The following PUM2 variants were observed in gnomAD, a reference collection of about 807,000 sequenced individuals.
The protein encoded by PUM2 is pumilio RNA binding family member 2.
PUM2 carries 57 observed loss-of-function variants against 124.5 expected under a neutral mutation model. The observed-to-expected ratio is 0.46, with a 90% CI of 0.37 to 0.57. The LOEUF is 0.57. Ranked by LOEUF, PUM2 falls within the 20% of genes least tolerant of loss-of-function variation. PUM2 has a pLI of 0.00. For synonymous variants in PUM2, 460 were observed against 446.1 expected, an observed-to-expected ratio of 1.03 and a Z score of -0.39; for missense variants, 1,065 against 1,290.6, an observed-to-expected ratio of 0.83 and a Z score of 2.68.
At chr2:20,292,844 T>C (rs1245579045) in intron 9 of PUM2, among the ~76,000 whole-genome samples, 2 of 152,056 alleles carry the variant, frequency 1.3e-5, no homozygotes, top group African/African-American at 2.4e-5. Flanking sequence ...GGCAAGAGAA[T>C]TGCTGCCGGG....
intron 10 of PUM2, among the ~76,000 whole-genome samples, chr2:20,289,692 A>G (rs571828887): frequency 6.6e-6 from 1 of 152,386 alleles, no homozygotes; most frequent in Non-Finnish European, 1.5e-5. Context: ...ATGTAATTGA[A>G]ATAGAAATCC....
At chr2:20,257,835 T>A (rs530459136) in intron 16 of PUM2, among the ~76,000 whole-genome samples, 114 of 152,098 alleles carry the variant, frequency 7.5e-4, no homozygotes, top group East Asian at 4.4e-3. Context: ...GCTATATTTT[T>A]AAAAAAAACA....
chr2:20,308,054 A>G lies in PUM2; in HGVS notation c.807T>C (p.Asn269=). The change falls in exon 7 of 21, where the codon AAT becomes AAC. Residue 269 remains asparagine, a synonymous_variant. Transcript: ENST00000361078. ...NSQQQLFQRT[N]ALTVQQLTAA... is the part of the protein sequence containing the mutation. ...CAGTTAACTGTTGAACTGTTAGTGC[A>G]TTAGTCCTCTGAAAGAGCTATTAGG... 1.2e-6 allele frequency: 2 copies of G among 1,612,870 alleles called. No homozygotes were observed. Among genetic ancestry groups the G allele is most frequent in the Non-Finnish European group, 1.7e-6 (2 of 1,178,976 alleles).
At chr2:20,302,184 T>C (rs1434944766) in intron 7 of PUM2, among the ~76,000 whole-genome samples, 1 of 152,156 alleles carries the variant, frequency 6.6e-6, no homozygotes, top group Non-Finnish European at 1.5e-5. Context: ...TAGCGGAGAA[T>C]AAAGGCAGGT....
At chr2:20,328,438 C>A (rs145148421) in intron 1 of PUM2, among the ~76,000 whole-genome samples, 10 of 152,274 alleles carry the variant, frequency 6.6e-5, no homozygotes, top group Admixed American at 6.5e-4. Context: ...GGAATATAAT[C>A]TGTAATTACT....
At chr2:20,346,737 A>G (rs1175054384) in intron 1 of PUM2, among the ~76,000 whole-genome samples, 1 of 152,196 alleles carries the variant, frequency 6.6e-6, no homozygotes, top group Admixed American at 6.5e-5. Flanking sequence ...CCGCCCCGCC[A>G]TGACCACATT....
rs185075245 is a variant in PUM2, at chr2:20,299,879, T to C, written c.884-2201A>G. On this transcript the variant is annotated intron_variant, in intron 7 of 20. Transcript: ENST00000361078. ...TATTCTGAGCCAAATATAAGGGCCA[T>C]AGGTACATTTTAAAATTTTCTGGTT... 2.4e-3 allele frequency among the ~76,000 whole-genome samples: 365 copies of C among 152,270 alleles called. 3 individuals are homozygous for C. Among genetic ancestry groups the C allele is most frequent in the African/African-American group, 5.9e-3 (244 of 41,548 alleles).
chr2:20,293,813 T>C (rs926970168), intron 9 of PUM2, among the ~76,000 whole-genome samples: 3 of 152,148 alleles, frequency 2.0e-5, no homozygotes, highest in Non-Finnish European at 2.9e-5. Flanking sequence ...ATAAATACAA[T>C]GAATGTGACA....
chr2:20,290,334 T>G (rs1673727012), intron 10 of PUM2, among the ~76,000 whole-genome samples: 1 of 152,206 alleles, frequency 6.6e-6, no homozygotes. Flanking sequence ...GCATACCAAC[T>G]CTCAATAACT....
At chr2:20,276,122 T>A (rs185892363) in intron 13 of PUM2, among the ~76,000 whole-genome samples, 25 of 152,178 alleles carry the variant, frequency 1.6e-4, no homozygotes, top group Admixed American at 7.2e-4. Flanking sequence ...TTTGAACAAG[T>A]GTTTTAGATT....
At chr2:20,322,278 G>C (rs1682561853) in intron 2 of PUM2, among the ~76,000 whole-genome samples, 1 of 152,054 alleles carries the variant, frequency 6.6e-6, no homozygotes, top group South Asian at 2.1e-4. Flanking sequence ...TTCAAAAGAG[G>C]TAAGAACAGA....
intron 13 of PUM2, among the ~76,000 whole-genome samples, chr2:20,270,942 GAA>G (rs1406960178): frequency 1.3e-5 from 2 of 151,818 alleles, no homozygotes; most frequent in Non-Finnish European, 2.9e-5. Context: ...ACCCATAAAG[GAA>G]AATAATTCCA....
In PUM2 at chr2:20,292,728, C is replaced by A. The variant is rs1403029100; in HGVS notation, c.1152+1648G>T. On this transcript the variant is annotated intron_variant, in intron 9 of 20. Transcript: ENST00000361078. ...GGCGGATCACCTGAGGTCGGGAGTT[C>A]AAGACCAGCCTGACCAACATGGAGA... Among the ~76,000 whole-genome samples the A allele has an allele frequency of 2.0e-5, 3 of 152,088 alleles. No homozygotes were observed. The East Asian group carries it at 5.8e-4, about 29-fold the overall frequency.
chr2:20,254,850 A>C lies in PUM2; in HGVS notation c.2870+13T>G, dbSNP rs754507570. ...AAAGAATTGACCCTTAAAATTACAAAGTATTACAATACCTGGCAAATTTGT... is the reference window on the plus strand; with the variant it reads ...AAAGAATTGACCCTTAAAATTACAACGTATTACAATACCTGGCAAATTTGT... On this transcript the variant is annotated intron_variant, in intron 19 of 20. Coordinates refer to ENST00000361078, the MANE Select transcript of PUM2 (RefSeq NM_015317.5). The C allele has an allele frequency of 6.2e-7, 1 of 1,609,522 alleles. No individual in the cohort carries two copies. The highest frequency in any genetic ancestry group is 8.5e-7 in the Non-Finnish European group (1 of 1,178,346).
In PUM2 at chr2:20,251,637, T is replaced by C. The variant is rs554815019; in HGVS notation, c.3143A>G (p.Lys1048Arg). 1.2e-6 allele frequency: 2 copies of C among 1,613,856 alleles called. No homozygotes were observed. The highest frequency in any genetic ancestry group is 1.7e-6 in the Non-Finnish European group (2 of 1,179,860). Residue 1048 changes from lysine to arginine, a missense_variant, in exon 21 of 21, where the codon AAG becomes AGG. Transcript: ENST00000361078. ...ILAKLEKYYLKNSPDLGPIGG... is the reference protein window; with the variant it reads ...ILAKLEKYYLRNSPDLGPIGG... ...AATAGGTCCTAGGTCCGGGCTATTC[T>C]TCAAATAATACTTTTCCAACTTGGC... is the stretch of plus-strand genomic sequence containing the variant.
upstream of PUM2, among the ~76,000 whole-genome samples, chr2:20,351,228 T>G (rs527555071): frequency 4.6e-5 from 7 of 152,288 alleles, no homozygotes; most frequent in East Asian, 1.4e-3. Flanking sequence ...TGCGGGTGTC[T>G]GCGCCCGCGC....
intron 2 of PUM2, among the ~76,000 whole-genome samples, chr2:20,321,568 T>C (rs578101102): frequency 6.6e-6 from 1 of 152,144 alleles, no homozygotes; most frequent in Non-Finnish European, 1.5e-5. Context: ...AGCTGGTGAC[T>C]AATAATAGGT....
intron 1 of PUM2, chr2:20,350,323 C>T (rs1343284656): frequency 8.2e-6 from 3 of 367,514 alleles, no homozygotes; most frequent in African/African-American, 2.2e-5. Flanking sequence ...CGGGTCGGCG[C>T]CCCACGCCCC....
rs752955936 is a variant in PUM2 at position 20,263,264 on chromosome 2, G to A, written c.2154C>T (p.Arg718=). ...SRLLEDFRNN[R]FPNLQLRDLI... Reference sequence around the variant, plus strand: ...AGTCTCTAAGCTGAAGGTTTGGGAAGCGGTTGTTTCTGAAATCTTCCAATA... The same window carrying A: ...AGTCTCTAAGCTGAAGGTTTGGGAAACGGTTGTTTCTGAAATCTTCCAATA... Residue 718 remains arginine (R), a synonymous_variant, in exon 14 of 21, where the codon CGC becomes CGT. Coordinates refer to ENST00000361078, the MANE Select transcript of PUM2 (RefSeq NM_015317.5). The A allele has an allele frequency of 3.1e-6, 5 of 1,611,120 alleles. No individual in the cohort carries two copies. The Admixed American group carries it at 5.0e-5, about 16-fold the overall frequency.
Sources: gnomAD v4.1 joint callset for allele counts (sites outside exome capture counted in the v4.1 genomes callset) on GRCh38, gnomAD v4.1.1 for gene constraint, MANE v1.5 for transcripts, NCBI Gene and HGNC (gene_info 2026-07-23, HGNC 2026-07-21) for gene names.